BICC1: variants seen among roughly 807,000 people sequenced by gnomAD.
BICC1 encodes the protein BicC family RNA binding protein 1.
BICC1 carries 43 observed loss-of-function variants against 111.0 expected under a neutral mutation model. The observed-to-expected ratio is 0.39, with a 90% CI of 0.30 to 0.50. The LOEUF (loss-of-function observed/expected upper bound fraction) is 0.50, where lower values mean the gene tolerates loss of function less well. Ranked by LOEUF, BICC1 falls within the 20% of genes least tolerant of loss-of-function variation. The probability of loss-of-function intolerance (pLI) is 0.88; values close to 1 mark genes in which losing one functional copy is unlikely to be tolerated. For missense variants in BICC1, 1,091 were observed against 1,203.2 expected (o/e 0.91, Z 1.38); for synonymous variants, 467 against 434.4 (o/e 1.07, Z -0.93).
At chr10:58,715,618 C>T (rs1840716094) in intron 3 of BICC1, 1 of 1,605,544 alleles carries the variant, frequency 6.2e-7, no homozygotes, top group East Asian at 2.2e-5. Context: ...TCAAGGGGTC[C>T]AATCCAGTCT....
At chr10:58,827,206 A>G (rs1283570478) in intron 20 of BICC1, among the ~76,000 whole-genome samples, 1 of 152,214 alleles carries the variant, frequency 6.6e-6, no homozygotes, top group Non-Finnish European at 1.5e-5. Flanking sequence ...ATGGTACTTT[A>G]TGGAAAGGAT....
In BICC1 at chr10:58,585,114, C is replaced by A. The variant is rs902135683; in HGVS notation, c.191-35741C>A. Among the ~76,000 whole-genome samples the A allele has an allele frequency of 1.3e-5, 2 of 152,114 alleles. 1 individual carries two copies. Among genetic ancestry groups the A allele is most frequent in the South Asian group, 4.1e-4 (2 of 4,830 alleles). On this transcript the variant is annotated intron_variant, in intron 1 of 20. Coordinates refer to ENST00000373886, the MANE Select transcript of BICC1 (RefSeq NM_001080512.3). ...TTCAGTTGACTTAATGCTTTGTGAACCGGATCAATAATTTATTTGTAGTGT... is the reference window on the plus strand; with the variant it reads ...TTCAGTTGACTTAATGCTTTGTGAAACGGATCAATAATTTATTTGTAGTGT...
At chr10:58,769,558 T>A (rs1842566089) in intron 3 of BICC1, among the ~76,000 whole-genome samples, 1 of 151,542 alleles carries the variant, frequency 6.6e-6, no homozygotes, top group Admixed American at 6.6e-5. Flanking sequence ...GTCCCATTAT[T>A]AATATAAGTA....
At chr10:58,756,732 A>C (rs1842159672) in intron 3 of BICC1, among the ~76,000 whole-genome samples, 1 of 151,116 alleles carries the variant, frequency 6.6e-6, no homozygotes, top group African/African-American at 2.5e-5. Flanking sequence ...GAAGCGTAGC[A>C]GTTTAATATC....
chr10:58,566,819 C>G (rs1003330817), intron 1 of BICC1, among the ~76,000 whole-genome samples: 4 of 151,960 alleles, frequency 2.6e-5, no homozygotes, highest in African/African-American at 9.7e-5. Flanking sequence ...GAGAAAGGCC[C>G]TTACTTGGAA....
In BICC1 at chr10:58,796,666, A is replaced by G. The variant is rs992272259; in HGVS notation, c.1366+140A>G. On this transcript the variant is annotated intron_variant, in intron 10 of 20. Transcript: ENST00000373886. The stretch of plus-strand genomic sequence containing the variant: ...CTAAGATCAGATGAAAAGCCATACA[A>G]CCTGAATCAATCCATTTTGGGGTTT... 6.8e-6 allele frequency: 5 copies of G among 733,058 alleles called. No individual in the cohort carries two copies. In the African/African-American group the frequency reaches 9.0e-5, roughly 13 times the overall value. The allele number at this position is 733,058 out of a possible 1,614,324, so 45.4% of individuals were successfully genotyped here. A position where few individuals can be genotyped will look rare whatever the true frequency, so the allele number is the denominator to read the frequency against.
At chr10:58,730,380 C>T (rs972189783) in intron 3 of BICC1, among the ~76,000 whole-genome samples, 3 of 152,158 alleles carry the variant, frequency 2.0e-5, no homozygotes, top group South Asian at 2.1e-4. Context: ...GGTTTAGCCC[C>T]TGTGGCTACT....
chr10:58,783,460 A>C (rs1842932976), intron 3 of BICC1, among the ~76,000 whole-genome samples: 1 of 151,470 alleles, frequency 6.6e-6, no homozygotes, highest in Non-Finnish European at 1.5e-5. Context: ...TGGCGTTTTC[A>C]CCTAGGCTGT....
intron 1 of BICC1, among the ~76,000 whole-genome samples, chr10:58,569,549 A>G (rs541808461): frequency 6.6e-6 from 1 of 151,626 alleles, no homozygotes; most frequent in East Asian, 1.9e-4. Flanking sequence ...CTAGGCTCCC[A>G]CCCCCTGGCA....
chr10:58,731,674 G>C (rs1841299244), intron 3 of BICC1, among the ~76,000 whole-genome samples: 1 of 151,964 alleles, frequency 6.6e-6, no homozygotes, highest in Non-Finnish European at 1.5e-5. Flanking sequence ...CAAAGTGGGA[G>C]CAGGTGTCTT....
chr10:58,807,227 C>T (rs1306887055), intron 17 of BICC1, 69 bp downstream of exon 17: 6 of 1,444,464 alleles, frequency 4.2e-6, no homozygotes, highest in Non-Finnish European at 4.7e-6. Flanking sequence ...GTCCTTCCCC[C>T]ACCCTCATTC....
rs543657703 is a variant in BICC1, at chr10:58,740,839, C to A, written c.307+38696C>A. Among the ~76,000 whole-genome samples the A allele has an allele frequency of 2.0e-5, 3 of 152,232 alleles. No homozygotes were observed. In the South Asian group the frequency reaches 6.2e-4, roughly 32 times the overall value. ...AGGGATGGGTGTGGGGTGGCTTTGG[C>A]CGACCAAAGGCGTGACACGTGAATG... On this transcript the variant is annotated intron_variant, in intron 3 of 20. Transcript: ENST00000373886.
At chr10:58,775,314 C>G (rs1842719923) in intron 3 of BICC1, among the ~76,000 whole-genome samples, 1 of 151,664 alleles carries the variant, frequency 6.6e-6, no homozygotes, top group Non-Finnish European at 1.5e-5. Context: ...GTGGAAGTTG[C>G]AGTGAGCTGA....
intron 3 of BICC1, among the ~76,000 whole-genome samples, chr10:58,745,572 T>C (rs1450094566): frequency 2.0e-5 from 3 of 149,764 alleles, no homozygotes; most frequent in African/African-American, 4.9e-5. Flanking sequence ...ATTTGTTTCC[T>C]TGCCTTTCCA....
At chr10:58,679,623 A>AC (rs1839453002) in intron 2 of BICC1, among the ~76,000 whole-genome samples, 1 of 152,212 alleles carries the variant, frequency 6.6e-6, no homozygotes, top group Non-Finnish European at 1.5e-5. Context: ...AGGAGCTGGT[A>AC]CCATTCCTTC....
chr10:58,799,289 A>C, intron 12 of BICC1, 37 bp downstream of exon 12: 7 of 1,482,530 alleles, frequency 4.7e-6, no homozygotes, highest in Non-Finnish European at 6.4e-6. Flanking sequence ...TGTGATCTGT[A>C]CTGTTTGTAA....
intron 1 of BICC1, among the ~76,000 whole-genome samples, chr10:58,517,813 T>C (rs1245039126): frequency 6.6e-6 from 1 of 152,180 alleles, no homozygotes; most frequent in African/African-American, 2.4e-5. Flanking sequence ...AAGGTGTATG[T>C]AAGTCATCCC....
intron 2 of BICC1, among the ~76,000 whole-genome samples, chr10:58,644,112 G>A (rs150565371): frequency 1.5e-4 from 23 of 152,152 alleles, no homozygotes; most frequent in Admixed American, 8.5e-4. Flanking sequence ...TAGATAAGGT[G>A]GTTATCTGGC....
intron 3 of BICC1, among the ~76,000 whole-genome samples, chr10:58,719,711 C>T (rs979611316): frequency 4.6e-5 from 7 of 152,146 alleles, no homozygotes; most frequent in Non-Finnish European, 7.3e-5. Context: ...TTTCCATGTG[C>T]GCAGTGCCTG....
Sources: gnomAD v4.1 joint callset for allele counts (sites outside exome capture counted in the v4.1 genomes callset) on GRCh38, gnomAD v4.1.1 for gene constraint, MANE v1.5 for transcripts, NCBI Gene and HGNC (gene_info 2026-07-23, HGNC 2026-07-21) for gene names.